PPP3CC: variants seen among roughly 807,000 people sequenced by gnomAD.
The protein encoded by PPP3CC is protein phosphatase 3 catalytic subunit gamma.
Under a neutral mutation model 60.3 loss-of-function variants are expected in PPP3CC, and 35 were observed. The observed-to-expected ratio is 0.58, with a 90% confidence interval of 0.44 to 0.77. The LOEUF is 0.77. Ranked by LOEUF, PPP3CC falls within the 30% of genes least tolerant of loss-of-function variation. PPP3CC has a pLI of 0.00. For missense variants in PPP3CC, 570 were observed against 628.9 expected (o/e 0.91, Z 1.00); for synonymous variants, 206 against 224.3 (o/e 0.92, Z 0.73).
intron 3 of PPP3CC, among the ~76,000 whole-genome samples, chr8:22,490,205 G>T (rs1249432480): frequency 1.3e-5 from 2 of 152,114 alleles, no homozygotes; most frequent in Non-Finnish European, 2.9e-5. Flanking sequence ...ATATGGTGCT[G>T]TCCAGTGGTC....
At chr8:22,505,804 A>G (rs1388896553) in intron 4 of PPP3CC, among the ~76,000 whole-genome samples, 1 of 152,220 alleles carries the variant, frequency 6.6e-6, no homozygotes, top group Admixed American at 6.5e-5. Flanking sequence ...TGATGTGAGG[A>G]GGCTAGAAGA....
intron 6 of PPP3CC, among the ~76,000 whole-genome samples, chr8:22,521,168 G>A (rs1839396119): frequency 6.6e-6 from 1 of 152,182 alleles, no homozygotes; most frequent in Non-Finnish European, 1.5e-5. Flanking sequence ...TTGGGTTTAT[G>A]TTTGGGTCCA....
intron 1 of PPP3CC, among the ~76,000 whole-genome samples, chr8:22,469,424 G>A (rs533278073): frequency 7.9e-5 from 12 of 152,158 alleles, no homozygotes; most frequent in Non-Finnish European, 1.5e-4. Context: ...ATGTTTGATA[G>A]CAGAGCAGGA....
chr8:22,493,409 T>A (rs1838466221), intron 3 of PPP3CC, among the ~76,000 whole-genome samples: 1 of 152,150 alleles, frequency 6.6e-6, no homozygotes, highest in Non-Finnish European at 1.5e-5. Context: ...TTTTTTTAAC[T>A]TTTTGACTCT....
chr8:22,492,630 T>G (rs1838441397), intron 3 of PPP3CC: 1 of 623,450 alleles, frequency 1.6e-6, no homozygotes, highest in Non-Finnish European at 2.9e-6. Context: ...AAACAAACAG[T>G]TATGAGCCAG....
intron 12 of PPP3CC, among the ~76,000 whole-genome samples, chr8:22,535,718 A>G (rs1026377760): frequency 2.6e-5 from 4 of 152,104 alleles, no homozygotes; most frequent in African/African-American, 4.8e-5. Flanking sequence ...CTATTGACTA[A>G]CAGGGACAAA....
At chr8:22,537,409 G>C (rs1216232654) in intron 12 of PPP3CC, among the ~76,000 whole-genome samples, 1 of 152,190 alleles carries the variant, frequency 6.6e-6, no homozygotes, top group African/African-American at 2.4e-5. Flanking sequence ...TTAATAAGAA[G>C]TGTTGATGAG....
chr8:22,483,977 G>A (rs1179650334), intron 3 of PPP3CC, among the ~76,000 whole-genome samples: 1 of 151,842 alleles, frequency 6.6e-6, no homozygotes, highest in Non-Finnish European at 1.5e-5. Flanking sequence ...AATTAGCTAG[G>A]ACTACAGGTG....
At chr8:22,525,422 TTC>T (rs1041078927) in intron 8 of PPP3CC, among the ~76,000 whole-genome samples, 3 of 151,862 alleles carry the variant, frequency 2.0e-5, no homozygotes, top group African/African-American at 7.3e-5. Flanking sequence ...TTCTTTCTCT[TTC>T]TCTCTTTTCT....
intron 3 of PPP3CC, among the ~76,000 whole-genome samples, chr8:22,495,015 A>G (rs1044125499): frequency 6.6e-6 from 1 of 152,140 alleles, no homozygotes; most frequent in African/African-American, 2.4e-5. Flanking sequence ...GATCATGATC[A>G]TAGCTCACTA....
chr8:22,526,176 C>G (rs1377315756), intron 8 of PPP3CC, among the ~76,000 whole-genome samples: 1 of 152,172 alleles, frequency 6.6e-6, no homozygotes, highest in African/African-American at 2.4e-5. Flanking sequence ...TTGGTATCTA[C>G]AGGTATTTCC....
intron 13 of PPP3CC, among the ~76,000 whole-genome samples, chr8:22,539,929 G>GC (rs1563800220): frequency 6.6e-6 from 1 of 152,190 alleles, no homozygotes; most frequent in Non-Finnish European, 1.5e-5. Flanking sequence ...TTCTGAGGTT[G>GC]CCCTAAGGTA....
At chr8:22,448,851 A>T (rs1044018587) in intron 1 of PPP3CC, among the ~76,000 whole-genome samples, 2 of 152,224 alleles carry the variant, frequency 1.3e-5, no homozygotes, top group African/African-American at 4.8e-5. Flanking sequence ...AAAAAGCGAA[A>T]GTGGCAAAAC....
chr8:22,446,622 G>A (rs892844104), intron 1 of PPP3CC, among the ~76,000 whole-genome samples: 3 of 151,884 alleles, frequency 2.0e-5, no homozygotes, highest in Admixed American at 1.3e-4. Flanking sequence ...TCCGGCCAAC[G>A]TGGCGAAACC....
chr8:22,508,916 A>ATT (rs2117084885), intron 4 of PPP3CC, among the ~76,000 whole-genome samples: 1 of 152,358 alleles, frequency 6.6e-6, no homozygotes, highest in East Asian at 1.9e-4. Flanking sequence ...GCAATGATGC[A>ATT]TAAGACATGG....
chr8:22,523,274 A>G (rs1263303754), intron 8 of PPP3CC, among the ~76,000 whole-genome samples: 1 of 152,164 alleles, frequency 6.6e-6, no homozygotes, highest in East Asian at 1.9e-4. Context: ...TATCTTTCTA[A>G]TCTTCAGTTT....
intron 1 of PPP3CC, among the ~76,000 whole-genome samples, chr8:22,465,636 A>G (rs534976108): frequency 2.6e-5 from 4 of 152,246 alleles, no homozygotes; most frequent in African/African-American, 9.6e-5. Context: ...TGATGCAGCA[A>G]GAAGACCCAT....
At chr8:22,536,533 G>C (rs1839848263) in intron 12 of PPP3CC, among the ~76,000 whole-genome samples, 1 of 152,108 alleles carries the variant, frequency 6.6e-6, no homozygotes, top group African/African-American at 2.4e-5. Context: ...TCACCTTTTG[G>C]GCTCAGCCCC....
At chr8:22,452,019 G>GT (rs397823337) in intron 1 of PPP3CC, among the ~76,000 whole-genome samples, 2,092 of 143,502 alleles carry the variant, frequency 0.015, 34 homozygotes, top group African/African-American at 0.04. Context: ...GTGCATAATG[G>GT]TTTTTTTTTT....
Sources: gnomAD v4.1 joint callset for allele counts (sites outside exome capture counted in the v4.1 genomes callset) on GRCh38, gnomAD v4.1.1 for gene constraint, MANE v1.5 for transcripts, NCBI Gene and HGNC (gene_info 2026-07-23, HGNC 2026-07-21) for gene names.